Variants in GDAP1L1 observed in about 807,000 individuals in gnomAD.
GDAP1L1 encodes ganglioside-induced differentiation-associated protein 1-like 1.
GDAP1L1 carries 21 observed loss-of-function variants against 37.1 expected under a neutral mutation model. The observed-to-expected ratio is 0.57, with a 90% CI of 0.40 to 0.81. The LOEUF (loss-of-function observed/expected upper bound fraction) is 0.81, where lower values mean the gene tolerates loss of function less well. GDAP1L1 is among the 40% of genes least tolerant of loss of function. The pLI is 0.00. For synonymous variants in GDAP1L1, 193 were observed against 209.1 expected (o/e 0.92, Z 0.67); for missense variants, 362 against 491.6 (o/e 0.74, Z 2.49).
chr20:44,258,754 G>C, intron 3 of GDAP1L1, 147 bp downstream of exon 3: 1 of 642,246 alleles, frequency 1.6e-6, no homozygotes, highest in Non-Finnish European at 2.7e-6. Context: ...ATTTGTCCCC[G>C]CCTCTCTCTG....
intron 5 of GDAP1L1, among the ~76,000 whole-genome samples, chr20:44,270,902 G>A (rs1247378577): frequency 6.6e-6 from 1 of 152,198 alleles, no homozygotes; most frequent in African/African-American, 2.4e-5. Context: ...TGCTATTCAA[G>A]GGGAGGAGAA....
chr20:44,259,995 A>C (rs530139382), intron 3 of GDAP1L1, among the ~76,000 whole-genome samples: 1 of 152,296 alleles, frequency 6.6e-6, no homozygotes, highest in South Asian at 2.1e-4. Context: ...CGCTCTCAGG[A>C]GGGCGGCCTG....
Position 44,278,961 on chromosome 20 carries a change from G to A in GDAP1L1, c.765G>A (p.Gln255=), listed in dbSNP as rs144956839. 29 of 1,610,196 alleles carry A rather than the reference G, an allele frequency of 1.8e-5. No individual in the cohort carries two copies. The highest frequency in any genetic ancestry group is 2.5e-5 in the Non-Finnish European group (29 of 1,177,138). ...CTCCTCTTTCTTCCACTCTAGGGCA[G>A]AAATGCGAGCTGTGGCTCTGTGGCT... ...LEKRKLENEG[Q]KCELWLCGCA... The change falls in exon 6 of 6, where the codon CAG becomes CAA. Residue 255 remains glutamine, a synonymous_variant. Coordinates refer to ENST00000342560, the MANE Select transcript of GDAP1L1 (RefSeq NM_024034.6).
At chr20:44,258,297 G>A (rs113296594) in intron 2 of GDAP1L1, 137 bp from the exon 3 acceptor site, 26 of 850,180 alleles carry the variant, frequency 3.1e-5, no homozygotes, top group Middle Eastern at 2.2e-4. Flanking sequence ...TCCCCTGTCC[G>A]CCAGCAGCCA....
chr20:44,269,841 G>C (rs150451321), intron 5 of GDAP1L1, among the ~76,000 whole-genome samples: 4 of 152,280 alleles, frequency 2.6e-5, no homozygotes, highest in African/African-American at 9.6e-5. Flanking sequence ...TGAGGCAGGC[G>C]AATGGCTTGA....
intron 5 of GDAP1L1, among the ~76,000 whole-genome samples, chr20:44,267,220 C>T (rs2073773790): frequency 6.6e-6 from 1 of 152,136 alleles, no homozygotes; most frequent in African/African-American, 2.4e-5. Flanking sequence ...CCATAACAAC[C>T]CCAGGAGGTG....
At chr20:44,258,739 T>A in intron 3 of GDAP1L1, 132 bp downstream of exon 3, 1 of 669,578 alleles carries the variant, frequency 1.5e-6, no homozygotes, top group Non-Finnish European at 2.5e-6. Flanking sequence ...CCTCTTGCAT[T>A]CTCCATTTGT....
chr20:44,274,237 C>T (rs974370447), intron 5 of GDAP1L1, among the ~76,000 whole-genome samples: 5 of 152,122 alleles, frequency 3.3e-5, no homozygotes, highest in Non-Finnish European at 5.9e-5. Context: ...ACACCACATC[C>T]GTAATTCTAT....
chr20:44,249,900 T>C (rs150773198), intron 1 of GDAP1L1, among the ~76,000 whole-genome samples: 98 of 152,338 alleles, frequency 6.4e-4, no homozygotes, highest in African/African-American at 2.3e-3. Context: ...CAAGTCACTT[T>C]ACCTCTCTGT....
chr20:44,252,467 C>A (rs2073463629), intron 1 of GDAP1L1, among the ~76,000 whole-genome samples: 1 of 152,064 alleles, frequency 6.6e-6, no homozygotes, highest in Admixed American at 6.6e-5. Flanking sequence ...TGGTGAAATC[C>A]CGTCTCTACT....
chr20:44,276,677 A>G (rs12480624), intron 5 of GDAP1L1, among the ~76,000 whole-genome samples: 2 of 115,872 alleles, frequency 1.7e-5, no homozygotes, highest in African/African-American at 5.7e-5. Flanking sequence ...TCATTCATCA[A>G]TCATTCAGTA....
Position 44,258,624 on chromosome 20 carries a change from C to T in GDAP1L1, c.547+17C>T, listed in dbSNP as rs983295729. 16 of 1,566,466 alleles carry T rather than the reference C, an allele frequency of 1.0e-5. No homozygotes were observed. The highest frequency in any genetic ancestry group is 5.4e-5 in the African/African-American group (4 of 73,848). ...AGATCCGCAGTGAGTGCCAGGGCGG[C>T]GAGACAGCCCCTCTGCTTTCCCCCT... On this transcript the variant is annotated intron_variant, in intron 3 of 5. Transcript: ENST00000342560.
chr20:44,265,467 T>C, intron 5 of GDAP1L1: 5 of 985,430 alleles, frequency 5.1e-6, no homozygotes, highest in Non-Finnish European at 6.0e-6. Flanking sequence ...CTCCTGCACA[T>C]GCATGGCTAT....
intron 5 of GDAP1L1, 104 bp downstream of exon 5, chr20:44,264,663 C>A: frequency 2.0e-6 from 3 of 1,512,830 alleles, no homozygotes; most frequent in Non-Finnish European, 1.8e-6. Flanking sequence ...AGAGGACCTC[C>A]CAGGTGGTTA....
rs1015268708 is a variant in GDAP1L1, at chr20:44,265,060, C to T, written c.760+501C>T. The stretch of plus-strand genomic sequence containing the variant: ...GACATCATCATGCATACTGAATACT[C>T]GGTTGCTCCCCCATCACCTCCCTTA... On this transcript the variant is annotated intron_variant, in intron 5 of 5. Transcript: ENST00000342560. 1.8e-5 allele frequency: 18 copies of T among 985,352 alleles called. No homozygotes were observed. The East Asian group carries it at 3.4e-4, about 19-fold the overall frequency. The allele number at this position is 985,352 out of a possible 1,614,324, so 61.0% of individuals were successfully genotyped here.
At chr20:44,267,784 T>C (rs6031491) in intron 5 of GDAP1L1, among the ~76,000 whole-genome samples, 106,932 of 152,016 alleles carry the variant, frequency 0.7, 37,798 homozygotes, top group East Asian at 0.77. Context: ...CTGAACTGGA[T>C]GGAGGCTAGG....
intron 5 of GDAP1L1, among the ~76,000 whole-genome samples, chr20:44,273,983 AT>A (rs546695034): frequency 1.4e-4 from 21 of 152,230 alleles, no homozygotes; most frequent in Non-Finnish European, 1.8e-4. Flanking sequence ...GTTAGACCAC[AT>A]CTTAGCATCT....
intron 1 of GDAP1L1, among the ~76,000 whole-genome samples, chr20:44,256,116 C>T (rs574643814): frequency 8.5e-5 from 13 of 152,296 alleles, no homozygotes; most frequent in Admixed American, 2.0e-4. Flanking sequence ...AAGAACCTTG[C>T]TTCCAGTTTT....
chr20:44,264,860 G>T, intron 5 of GDAP1L1: 2 of 1,145,636 alleles, frequency 1.7e-6, no homozygotes, highest in Non-Finnish European at 2.2e-6. Context: ...AGAGTGCTTA[G>T]ATCAGGGCTT....
Sources: allele counts gnomAD v4.1 joint callset (sites outside exome capture counted in the v4.1 genomes callset), GRCh38; gene constraint gnomAD v4.1.1; transcripts MANE v1.5; gene names NCBI Gene and HGNC (gene_info 2026-07-23, HGNC 2026-07-21).